Variants in ZNRF1 observed in about 807,000 individuals in gnomAD.
ZNRF1 encodes the protein zinc and ring finger 1.
A neutral mutation model predicts 18.4 loss-of-function variants in ZNRF1; 3 were observed. That is an observed-to-expected ratio of 0.16 (90% confidence interval 0.07 to 0.42). The LOEUF is 0.42. Among genes scored for constraint, ZNRF1 ranks in the 10% least tolerant of loss-of-function variants. The probability of loss-of-function intolerance (pLI) is 0.99; values close to 1 mark genes in which losing one functional copy is unlikely to be tolerated. For synonymous variants in ZNRF1, 157 were observed against 144.2 expected, an observed-to-expected ratio of 1.09 and a Z score of -0.64; for missense variants, 310 against 329.8, an observed-to-expected ratio of 0.94 and a Z score of 0.47.
chr16:75,104,068 A>C (rs1323984968), intron 2 of ZNRF1: 1 of 152,070 alleles, frequency 6.6e-6, no homozygotes, highest in Non-Finnish European at 1.5e-5. Context: ...CCCAATACTG[A>C]TCTCCTTTCC....
intron 1 of ZNRF1, among the ~76,000 whole-genome samples, chr16:75,061,411 T>G (rs1023753326): frequency 6.6e-6 from 1 of 152,192 alleles, no homozygotes; most frequent in African/African-American, 2.4e-5. Flanking sequence ...ATGATGTTTA[T>G]CTTTCTTTTC....
At chr16:75,059,164 A>G (rs1046898090) in intron 1 of ZNRF1, among the ~76,000 whole-genome samples, 4 of 147,378 alleles carry the variant, frequency 2.7e-5, no homozygotes, top group East Asian at 2.0e-4. Context: ...TTGGCCCCAG[A>G]TATCTTGGAT....
At chr16:75,067,337 C>T (rs1467281059) in intron 1 of ZNRF1, among the ~76,000 whole-genome samples, 1 of 152,110 alleles carries the variant, frequency 6.6e-6, no homozygotes, top group African/African-American at 2.4e-5. Flanking sequence ...ACTCTAGGTA[C>T]AAGAGAACAT....
chr16:75,014,559 A>G (rs2035041829), intron 1 of ZNRF1, among the ~76,000 whole-genome samples: 1 of 152,218 alleles, frequency 6.6e-6, no homozygotes, highest in African/African-American at 2.4e-5. Context: ...ATCAGTGGAT[A>G]TTAAAGTTAT....
intron 1 of ZNRF1, among the ~76,000 whole-genome samples, chr16:75,056,200 A>G (rs191278259): frequency 6.6e-4 from 101 of 152,322 alleles, no homozygotes; most frequent in Non-Finnish European, 1.0e-3. Context: ...CTTCTTCTTA[A>G]GAGGTATGGG....
Position 75,108,756 on chromosome 16 carries a change from A to G in ZNRF1, c.*1056A>G, listed in dbSNP as rs953106257. The stretch of plus-strand genomic sequence containing the variant: ...TAATGAAGTGTTATACAATCAAGAA[A>G]TGGGGGCAAGGGCCTGCCCCCCACT... On this transcript the variant is annotated 3_prime_UTR_variant, in exon 5 of 5. Coordinates refer to ENST00000335325, the MANE Select transcript of ZNRF1 (RefSeq NM_032268.5). 1.3e-4 allele frequency: 49 copies of G among 382,456 alleles called. No homozygotes were observed. Among genetic ancestry groups the G allele is most frequent in the Non-Finnish European group, 2.2e-4 (47 of 217,178 alleles). The allele number at this position is 382,456 out of a possible 1,614,324, so 23.7% of individuals were successfully genotyped here.
At chr16:75,008,329 A>G (rs573720782) in intron 1 of ZNRF1, among the ~76,000 whole-genome samples, 4 of 152,318 alleles carry the variant, frequency 2.6e-5, no homozygotes, top group South Asian at 2.1e-4. Flanking sequence ...GGCCAAGCCA[A>G]TCTGCCTTGG....
At chr16:75,098,161 C>T (rs2036220053) in intron 2 of ZNRF1, among the ~76,000 whole-genome samples, 1 of 152,246 alleles carries the variant, frequency 6.6e-6, no homozygotes, top group African/African-American at 2.4e-5. Flanking sequence ...ACTGCTCACC[C>T]AGGGTGTCCA....
intron 1 of ZNRF1, among the ~76,000 whole-genome samples, chr16:75,066,270 G>A (rs1484440674): frequency 6.6e-6 from 1 of 152,140 alleles, no homozygotes; most frequent in Non-Finnish European, 1.5e-5. Context: ...GTGTATTGAG[G>A]ACATATATCA....
At chr16:75,095,398 G>C (rs2036186327) in intron 2 of ZNRF1, among the ~76,000 whole-genome samples, 1 of 152,070 alleles carries the variant, frequency 6.6e-6, no homozygotes, top group South Asian at 2.1e-4. Context: ...AGGACGCTCA[G>C]GCTCAGCTTT....
intron 1 of ZNRF1, among the ~76,000 whole-genome samples, chr16:75,077,810 C>A (rs961826308): frequency 2.0e-5 from 3 of 152,296 alleles, no homozygotes; most frequent in Admixed American, 2.0e-4. Context: ...CTCATGGTCC[C>A]TTCCTCTAAC....
chr16:75,094,518 G>A (rs769045352), intron 2 of ZNRF1, among the ~76,000 whole-genome samples: 1 of 152,168 alleles, frequency 6.6e-6, no homozygotes, highest in Non-Finnish European at 1.5e-5. Context: ...TCAGCTTAGC[G>A]GAGCCTCAGT....
chr16:75,078,121 T>G (rs2035965079), intron 1 of ZNRF1, among the ~76,000 whole-genome samples: 1 of 152,068 alleles, frequency 6.6e-6, no homozygotes, highest in African/African-American at 2.4e-5. Context: ...ATGATTTCTG[T>G]TTTACAGTTG....
intron 1 of ZNRF1, among the ~76,000 whole-genome samples, chr16:75,050,160 C>A (rs1221218476): frequency 6.6e-6 from 1 of 152,130 alleles, no homozygotes; most frequent in Non-Finnish European, 1.5e-5. Flanking sequence ...ATAGTCTATT[C>A]CTTTTTATTG....
intron 1 of ZNRF1, among the ~76,000 whole-genome samples, chr16:75,059,245 C>CTTTTTTTTTTTTT (rs59289376): frequency 1.5e-5 from 1 of 66,978 alleles, no homozygotes; most frequent in Non-Finnish European, 2.9e-5. Flanking sequence ...TTTTTTTTTT[C>CTTTTTTTTTTTTT]TTTTTTTTTT....
At chr16:75,087,953 G>A (rs1335035405) in intron 1 of ZNRF1, among the ~76,000 whole-genome samples, 5 of 152,248 alleles carry the variant, frequency 3.3e-5, no homozygotes, top group African/African-American at 1.2e-4. Context: ...CTTAGGGAGT[G>A]TCCTGTAGAT....
chr16:75,070,289 A>T (rs1248699170), intron 1 of ZNRF1, among the ~76,000 whole-genome samples: 4 of 152,202 alleles, frequency 2.6e-5, no homozygotes, highest in Non-Finnish European at 4.4e-5. Context: ...CACACCACCG[A>T]TAGCCTGAAT....
intron 1 of ZNRF1, among the ~76,000 whole-genome samples, chr16:75,024,587 A>T (rs541177618): frequency 9.2e-5 from 14 of 152,368 alleles, no homozygotes; most frequent in African/African-American, 3.4e-4. Context: ...CAAACAAAAA[A>T]GATGGCTTGT....
At position 75,052,742 on chromosome 16, in the gene ZNRF1, G is replaced by A. The variant is rs79638153; in HGVS notation, c.425-40830G>A. Among the ~76,000 whole-genome samples the A allele has an allele frequency of 5.8e-3, 887 of 152,266 alleles. 8 individuals carry two copies. Among genetic ancestry groups the A allele is most frequent in the Non-Finnish European group, 0.01 (711 of 68,020 alleles). On this transcript the variant is annotated intron_variant, in intron 1 of 4. Coordinates refer to ENST00000335325, the MANE Select transcript of ZNRF1 (RefSeq NM_032268.5). ...ATATAACCACCACCTCAACCGTGCAGCCAACATTGTCTATATTGCTTTATC... is the reference window on the plus strand; with the variant it reads ...ATATAACCACCACCTCAACCGTGCAACCAACATTGTCTATATTGCTTTATC...
Sources: gnomAD v4.1 joint callset for allele counts (sites outside exome capture counted in the v4.1 genomes callset) on GRCh38, gnomAD v4.1.1 for gene constraint, MANE v1.5 for transcripts, NCBI Gene and HGNC (gene_info 2026-07-23, HGNC 2026-07-21) for gene names.